The following KCNB2 variants were observed in gnomAD, a reference collection of about 807,000 sequenced individuals.
The protein encoded by KCNB2 is delayed rectifier potassium channel protein.
KCNB2 carries 15 observed loss-of-function variants against 61.5 expected under a neutral mutation model. The ratio of observed to expected loss-of-function variants is 0.24; its 90% CI spans 0.16 to 0.38. The LOEUF (loss-of-function observed/expected upper bound fraction) is 0.38, where lower values mean the gene tolerates loss of function less well. Ranked by LOEUF, KCNB2 falls within the 10% of genes least tolerant of loss-of-function variation. The pLI is 1.00. For synonymous variants in KCNB2, 457 were observed against 446.0 expected (o/e 1.02, Z -0.31); for missense variants, 828 against 1,125.2 (o/e 0.74, Z 3.78).
chr8:72,654,055 C>A (rs1352720626), intron 2 of KCNB2, among the ~76,000 whole-genome samples: 1 of 152,022 alleles, frequency 6.6e-6, no homozygotes, highest in Non-Finnish European at 1.5e-5. Context: ...AAGGGTATGC[C>A]ATCTTGTTTA....
chr8:72,565,592 G>C (rs1476857218), intron 1 of KCNB2, among the ~76,000 whole-genome samples: 1 of 151,908 alleles, frequency 6.6e-6, no homozygotes, highest in Non-Finnish European at 1.5e-5. Flanking sequence ...GACTACAAGA[G>C]CAGTAATGCT....
chr8:72,555,678 G>T (rs1806415856), intron 1 of KCNB2, among the ~76,000 whole-genome samples: 1 of 150,476 alleles, frequency 6.6e-6, no homozygotes, highest in Non-Finnish European at 1.5e-5. Context: ...GTTTTAATTT[G>T]AATGTTTTTA....
At chr8:72,755,583 A>G (rs1268558264) in intron 2 of KCNB2, among the ~76,000 whole-genome samples, 2 of 152,242 alleles carry the variant, frequency 1.3e-5, no homozygotes, top group African/African-American at 4.8e-5. Flanking sequence ...AATGGCAAAT[A>G]AGCACATGAA....
At chr8:72,854,248 TGGAA>T (rs1338492761) in intron 2 of KCNB2, among the ~76,000 whole-genome samples, 1 of 152,160 alleles carries the variant, frequency 6.6e-6, no homozygotes, top group Admixed American at 6.5e-5. Flanking sequence ...CAAAATAAAT[TGGAA>T]TGAGTAAAAC....
chr8:72,551,968 C>A (rs1263809101), intron 1 of KCNB2, among the ~76,000 whole-genome samples: 1 of 152,072 alleles, frequency 6.6e-6, no homozygotes, highest in African/African-American at 2.4e-5. Flanking sequence ...AGCCCAGTTC[C>A]CAAGAACTGC....
intron 2 of KCNB2, among the ~76,000 whole-genome samples, chr8:72,637,205 C>T (rs1486615279): frequency 6.6e-6 from 1 of 152,142 alleles, no homozygotes; most frequent in South Asian, 2.1e-4. Context: ...CGATGGTTTA[C>T]TGCACTGTGT....
intron 2 of KCNB2, among the ~76,000 whole-genome samples, chr8:72,699,159 CA>C (rs1161047560): frequency 1.3e-5 from 2 of 151,954 alleles, no homozygotes; most frequent in African/African-American, 2.4e-5. Context: ...ATTCAATAAG[CA>C]AAAAACAACA....
chr8:72,637,481 A>T (rs1304238131), intron 2 of KCNB2, among the ~76,000 whole-genome samples: 1 of 152,102 alleles, frequency 6.6e-6, no homozygotes, highest in African/African-American at 2.4e-5. Context: ...GATGATCTCT[A>T]CTAATGAATC....
chr8:72,659,821 CA>C (rs1438112846), intron 2 of KCNB2, among the ~76,000 whole-genome samples: 1 of 152,144 alleles, frequency 6.6e-6, no homozygotes, highest in African/African-American at 2.4e-5. Flanking sequence ...AAGGCTTGTA[CA>C]TTTTTTATTA....
chr8:72,630,506 A>G (rs565310462), intron 2 of KCNB2, among the ~76,000 whole-genome samples: 6 of 152,312 alleles, frequency 3.9e-5, no homozygotes, highest in Admixed American at 2.0e-4. Flanking sequence ...AGAGGGGACT[A>G]CTGTACCACA....
intron 2 of KCNB2, among the ~76,000 whole-genome samples, chr8:72,820,441 G>C (rs1393160373): frequency 6.6e-6 from 1 of 152,016 alleles, no homozygotes; most frequent in Non-Finnish European, 1.5e-5. Flanking sequence ...TGTCAGGGTG[G>C]CCTCCTCAAT....
At chr8:72,605,563 A>G (rs1805432387) in intron 2 of KCNB2, among the ~76,000 whole-genome samples, 1 of 152,184 alleles carries the variant, frequency 6.6e-6, no homozygotes, top group South Asian at 2.1e-4. Context: ...ATTAGCAAGG[A>G]AAGGAAAGTC....
intron 2 of KCNB2, among the ~76,000 whole-genome samples, chr8:72,912,898 A>T (rs1380275734): frequency 6.6e-6 from 1 of 152,192 alleles, no homozygotes; most frequent in Non-Finnish European, 1.5e-5. Flanking sequence ...TTTCGGAGAA[A>T]GATTTTTACC....
chr8:72,919,928 A>G (rs1025122432), intron 2 of KCNB2, among the ~76,000 whole-genome samples: 2 of 152,166 alleles, frequency 1.3e-5, no homozygotes, highest in African/African-American at 2.4e-5. Flanking sequence ...CACTATTTAA[A>G]AGCACTTACG....
intron 2 of KCNB2, among the ~76,000 whole-genome samples, chr8:72,887,987 G>T (rs917682058): frequency 1.3e-5 from 2 of 152,216 alleles, no homozygotes; most frequent in Non-Finnish European, 2.9e-5. Context: ...CCACCTGTGT[G>T]TCTTGTCTCC....
At chr8:72,722,185 A>G (rs1222894484) in intron 2 of KCNB2, among the ~76,000 whole-genome samples, 2 of 152,142 alleles carry the variant, frequency 1.3e-5, no homozygotes, top group African/African-American at 4.8e-5. Flanking sequence ...CTGGTGGCCA[A>G]CAACCCCAGC....
chr8:72,691,736 G>C (rs183434013), intron 2 of KCNB2, among the ~76,000 whole-genome samples: 1 of 152,170 alleles, frequency 6.6e-6, no homozygotes, highest in African/African-American at 2.4e-5. Context: ...ATAGTTACAT[G>C]CTTCATTCTA....
intron 2 of KCNB2, among the ~76,000 whole-genome samples, chr8:72,646,853 T>C (rs2128986106): frequency 6.6e-6 from 1 of 152,310 alleles, no homozygotes; most frequent in East Asian, 1.9e-4. Flanking sequence ...CACTGACTTG[T>C]ACAGAGATGC....
chr8:72,797,788 G>A (rs975004379), intron 2 of KCNB2, among the ~76,000 whole-genome samples: 4 of 152,208 alleles, frequency 2.6e-5, no homozygotes, highest in Admixed American at 6.5e-5. Flanking sequence ...CAGGGGTTGC[G>A]TGTAATGCCA....
Sources: allele counts gnomAD v4.1 joint callset (sites outside exome capture counted in the v4.1 genomes callset), GRCh38; gene constraint gnomAD v4.1.1; transcripts MANE v1.5; gene names NCBI Gene and HGNC (gene_info 2026-07-23, HGNC 2026-07-21).